Variants in NAV2 observed in about 807,000 individuals in gnomAD.
NAV2 encodes the protein neuron navigator 2, also known as helicase, APC down-regulated 1.
A neutral mutation model predicts 223.2 loss-of-function variants in NAV2; 54 were observed. The observed-to-expected ratio is 0.24, with a 90% confidence interval of 0.19 to 0.30. NAV2 has a LOEUF of 0.30. Ranked by LOEUF, NAV2 falls within the 10% of genes least tolerant of loss-of-function variation. NAV2 has a pLI of 1.00. For missense variants in NAV2, 2,806 were observed against 3,147.5 expected (o/e 0.89, Z 2.60); for synonymous variants, 1,279 against 1,239.3 (o/e 1.03, Z -0.67).
intron 10 of NAV2, among the ~76,000 whole-genome samples, chr11:19,965,986 C>T (rs2048739322): frequency 6.6e-6 from 1 of 152,242 alleles, no homozygotes; most frequent in Non-Finnish European, 1.5e-5. Flanking sequence ...GCAGCCTCTC[C>T]ACATGGCGTG....
chr11:19,605,042 T>C (rs75376456), intron 1 of NAV2, among the ~76,000 whole-genome samples: 2 of 152,280 alleles, frequency 1.3e-5, no homozygotes, highest in Admixed American at 1.3e-4. Context: ...ATCAGCAGCA[T>C]GAAAATGGAC....
intron 1 of NAV2, among the ~76,000 whole-genome samples, chr11:19,464,368 T>C (rs1330396561): frequency 6.7e-6 from 1 of 150,138 alleles, no homozygotes; most frequent in Non-Finnish European, 1.5e-5. Context: ...TTCTCGTTAA[T>C]AAGCTTTAGA....
At chr11:19,493,111 C>G (rs2042684173) in intron 1 of NAV2, among the ~76,000 whole-genome samples, 1 of 152,172 alleles carries the variant, frequency 6.6e-6, no homozygotes, top group African/African-American at 2.4e-5. Flanking sequence ...TCACACAGTG[C>G]CCAGCTCAGG....
At chr11:20,087,369 C>T (rs530846367) in intron 26 of NAV2, among the ~76,000 whole-genome samples, 68 of 152,202 alleles carry the variant, frequency 4.5e-4, no homozygotes, top group African/African-American at 1.4e-3. Flanking sequence ...TTTTTGGTCT[C>T]GTTTTCCAAA....
At chr11:19,551,699 G>A (rs940212064) in intron 1 of NAV2, among the ~76,000 whole-genome samples, 6 of 151,996 alleles carry the variant, frequency 3.9e-5, no homozygotes, top group South Asian at 2.1e-4. Context: ...ACCCAGCCAC[G>A]TCCTGCTTCC....
At chr11:19,673,159 A>G (rs1281027862) in intron 1 of NAV2, among the ~76,000 whole-genome samples, 2 of 152,236 alleles carry the variant, frequency 1.3e-5, no homozygotes, top group Non-Finnish European at 2.9e-5. Flanking sequence ...GACCATTACC[A>G]TGGAAGGAAT....
chr11:20,043,600 C>A (rs920507886), intron 12 of NAV2, among the ~76,000 whole-genome samples: 3 of 152,102 alleles, frequency 2.0e-5, no homozygotes, highest in African/African-American at 7.2e-5. Flanking sequence ...TGCCACCACA[C>A]TCAGCTAATT....
chr11:19,397,781 C>T (rs932764224), intron 1 of NAV2, among the ~76,000 whole-genome samples: 1 of 152,240 alleles, frequency 6.6e-6, no homozygotes, highest in East Asian at 1.9e-4. Flanking sequence ...TGAGGTACGT[C>T]TCCCCTCTGG....
At chr11:19,798,516 G>A (rs944862073) in intron 1 of NAV2, among the ~76,000 whole-genome samples, 4 of 152,198 alleles carry the variant, frequency 2.6e-5, no homozygotes, top group African/African-American at 7.2e-5. Context: ...GAATGAAGAT[G>A]ACGAGAAATG....
At chr11:19,634,400 T>A (rs548189152) in intron 1 of NAV2, among the ~76,000 whole-genome samples, 3 of 152,166 alleles carry the variant, frequency 2.0e-5, no homozygotes, top group Non-Finnish European at 4.4e-5. Flanking sequence ...TGGGCTTAAT[T>A]CCTGGGTGAT....
At chr11:20,103,520 C>T (rs965009638) in intron 33 of NAV2, 111 bp downstream of exon 33, 22 of 1,493,624 alleles carry the variant, frequency 1.5e-5, no homozygotes, top group African/African-American at 9.6e-5. Context: ...GCTGTGCACA[C>T]GCATAGGGTT....
At chr11:19,993,177 TGA>T in intron 11 of NAV2, among the ~76,000 whole-genome samples, 1 of 152,218 alleles carries the variant, frequency 6.6e-6, no homozygotes, top group East Asian at 1.9e-4. Context: ...TGTTTTTGTA[TGA>T]GTCAGGATAG....
At chr11:19,777,454 G>A in intron 1 of NAV2, 1 of 434,594 alleles carries the variant, frequency 2.3e-6, no homozygotes, top group Non-Finnish European at 4.6e-6. Flanking sequence ...TTCCTTCCTC[G>A]CCCTGAAGTA....
At chr11:19,722,664 G>A (rs2050846446) in intron 1 of NAV2, among the ~76,000 whole-genome samples, 1 of 152,174 alleles carries the variant, frequency 6.6e-6, no homozygotes, top group African/African-American at 2.4e-5. Context: ...GTTAATATTT[G>A]CAGAAGAAAA....
chr11:19,369,345 T>C (rs1443164427), intron 1 of NAV2, among the ~76,000 whole-genome samples: 1 of 152,246 alleles, frequency 6.6e-6, no homozygotes, highest in Non-Finnish European at 1.5e-5. Context: ...AAAGCTTTTA[T>C]TGATGATTCA....
rs1460569443 is a variant in NAV2 at position 19,565,305 on chromosome 11, C to T, written c.75+214278C>T. Among the ~76,000 whole-genome samples, 5 of 152,296 alleles carry T rather than the reference C, an allele frequency of 3.3e-5. No individual in the cohort carries two copies. In the South Asian group the frequency reaches 1.0e-3, roughly 32 times the overall value. On this transcript the variant is annotated intron_variant, in intron 1 of 37. Coordinates refer to the NAV2 transcript ENST00000360655. The stretch of plus-strand genomic sequence containing the variant: ...CTTTTCTTCCTACTCCGCACTGCCT[C>T]GAAACCCTTGGAAGTACTCTTCTCC...
chr11:19,843,154 T>C (rs528763116), intron 3 of NAV2, among the ~76,000 whole-genome samples: 1 of 152,350 alleles, frequency 6.6e-6, no homozygotes, highest in African/African-American at 2.4e-5. Context: ...AAGTGAAATA[T>C]TGTCCTTGTT....
chr11:20,045,277 A>T lies in NAV2; in HGVS notation c.3509A>T (p.Asp1170Val). 6.2e-7 allele frequency: 1 copy of T among 1,614,156 alleles called. No individual in the cohort carries two copies. Among genetic ancestry groups the T allele is most frequent in the South Asian group, 1.1e-5 (1 of 91,074 alleles). ...SRSAGRKSSMDGAQNQDDGYL... is the reference protein window; with the variant it reads ...SRSAGRKSSMVGAQNQDDGYL... Reference sequence around the variant, plus strand: ...TCTGCTGGTCGGAAGTCAAGTATGGATGGGGCTCAGAATCAGGATGACGGG... The same window carrying T: ...TCTGCTGGTCGGAAGTCAAGTATGGTTGGGGCTCAGAATCAGGATGACGGG... Residue 1170 changes from aspartate (D) to valine (V), a missense_variant, in exon 14 of 38, where the codon GAT becomes GTT. Physicochemically the swap from Asp to Val is radical, Grantham distance 152. Transcript: ENST00000349880.
chr11:19,994,302 T>C (rs1300259197), intron 11 of NAV2, among the ~76,000 whole-genome samples: 1 of 151,914 alleles, frequency 6.6e-6, no homozygotes, highest in African/African-American at 2.4e-5. Context: ...ATCCCAGCAC[T>C]TTGGGAGGCT....
Sources: allele counts gnomAD v4.1 joint callset (sites outside exome capture counted in the v4.1 genomes callset), GRCh38; gene constraint gnomAD v4.1.1; transcripts MANE v1.5; gene names NCBI Gene and HGNC (gene_info 2026-07-23, HGNC 2026-07-21).